Variants in TBC1D31 observed in about 807,000 individuals in gnomAD.
The protein encoded by TBC1D31 is WD repeat domain 67.
Under a neutral mutation model 132.9 loss-of-function variants are expected in TBC1D31, and 99 were observed. The observed-to-expected ratio is 0.74, with a 90% CI of 0.63 to 0.88. TBC1D31 has a LOEUF of 0.88. TBC1D31 is among the 40% of genes least tolerant of loss of function. The pLI is 0.00. For synonymous variants in TBC1D31, 385 were observed against 419.4 expected (o/e 0.92, Z 1.00); for missense variants, 1,134 against 1,256.6 (o/e 0.90, Z 1.48).
intron 11 of TBC1D31, among the ~76,000 whole-genome samples, chr8:123,124,894 G>A (rs538643246): frequency 4.9e-5 from 7 of 143,742 alleles, no homozygotes; most frequent in South Asian, 2.2e-4. Context: ...CCGAGATCGC[G>A]CCACTGCACT....
intron 17 of TBC1D31, among the ~76,000 whole-genome samples, chr8:123,135,506 T>A (rs1478270411): frequency 2.0e-5 from 3 of 151,996 alleles, no homozygotes; most frequent in Non-Finnish European, 2.9e-5. Flanking sequence ...GATGCTGAGG[T>A]GGGAGGATCA....
At chr8:123,141,439 G>GATACTGTACATTTGTGAAT (rs1330085291) in intron 18 of TBC1D31, among the ~76,000 whole-genome samples, 1,257 of 99,164 alleles carry the variant, frequency 0.013, 15 homozygotes, top group African/African-American at 0.049. Context: ...CAAATTTGAG[G>GATACTGTACATTTGTGAAT]ATTTAAGAGA....
In TBC1D31 at chr8:123,105,453, G is replaced by C. The variant is rs774253600; in HGVS notation, c.1198G>C (p.Glu400Gln). ...AAAACAAGACCTGACTGGTGATTTT[G>C]AAAGTAAAAAGGTAAGAATATTTGG... ...ILKQDLTGDF[E>Q]SKKNELPDGL... Residue 400 changes from glutamate (E) to glutamine (Q), a missense_variant, in exon 8 of 22, where the codon GAA (glutamate) becomes CAA (glutamine). Coordinates refer to ENST00000287380, the MANE Select transcript of TBC1D31 (RefSeq NM_145647.4). 3.1e-6 allele frequency: 5 copies of C among 1,607,878 alleles called. No homozygotes were observed. The highest frequency in any genetic ancestry group is 1.1e-5 in the South Asian group (1 of 89,748).
At chr8:123,130,150 T>C (rs1240873179) in intron 15 of TBC1D31, 48 bp from the exon 16 acceptor site, 1 of 1,563,140 alleles carries the variant, frequency 6.4e-7, no homozygotes, top group African/African-American at 1.4e-5. Context: ...AACTAAATCA[T>C]ATTAGGAATT....
chr8:123,143,300 A>C (rs1821882393), intron 19 of TBC1D31, among the ~76,000 whole-genome samples: 1 of 152,242 alleles, frequency 6.6e-6, no homozygotes, highest in Non-Finnish European at 1.5e-5. Flanking sequence ...AGGGAGCATT[A>C]TCATCCCAAA....
Position 123,100,909 on chromosome 8 carries a change from T to C in TBC1D31, c.934T>C (p.Ser312Pro). 2 of 1,613,940 alleles carry C rather than the reference T, an allele frequency of 1.2e-6. No homozygotes were observed. The highest frequency in any genetic ancestry group is 1.1e-5 in the South Asian group (1 of 91,078). The change falls in exon 7 of 22, where the codon TCA becomes CCA. Residue 312 changes from serine (S) to proline (P), a missense_variant. Transcript: ENST00000287380. ...GAGCCTCGATGAAGGAATTAGCTCA[T>C]CAGCAATTAGCCCACATGGACGGTA... ...IGSLDEGISSSAISPHGRYIA... is the reference protein window; with the variant it reads ...IGSLDEGISSPAISPHGRYIA...
the TBC1D31 span, among the ~76,000 whole-genome samples, chr8:123,157,298 G>A: frequency 6.6e-6 from 1 of 152,148 alleles, no homozygotes; most frequent in Non-Finnish European, 1.5e-5. Flanking sequence ...CTGCGCTAAC[G>A]AGGCACCTAG....
chr8:123,123,402 C>T (rs1371608209), intron 11 of TBC1D31: 3 of 181,608 alleles, frequency 1.7e-5, no homozygotes, highest in Non-Finnish European at 3.7e-5. Context: ...CCTCCTTTGG[C>T]CTTTTTCTTG....
intron 8 of TBC1D31, among the ~76,000 whole-genome samples, chr8:123,107,335 C>A (rs1818025869): frequency 6.6e-6 from 1 of 152,124 alleles, no homozygotes; most frequent in Non-Finnish European, 1.5e-5. Flanking sequence ...AGCTTTGGAG[C>A]CCCGTGTGTG....
At chr8:123,109,848 CTT>C (rs1174670587) in intron 10 of TBC1D31, among the ~76,000 whole-genome samples, 2 of 152,146 alleles carry the variant, frequency 1.3e-5, no homozygotes, top group Non-Finnish European at 2.9e-5. Context: ...CATCCCAGCA[CTT>C]TGGGAGGCCA....
chr8:123,141,296 A>C (rs189487178), intron 18 of TBC1D31, among the ~76,000 whole-genome samples: 2 of 152,338 alleles, frequency 1.3e-5, no homozygotes, highest in Admixed American at 1.3e-4. Flanking sequence ...GGTTCAAAGC[A>C]TCAGGTCCCT....
At chr8:123,100,764 G>C in intron 6 of TBC1D31, 43 bp from the exon 7 acceptor site, 1 of 1,488,390 alleles carries the variant, frequency 6.7e-7, no homozygotes, top group Non-Finnish European at 9.4e-7. Context: ...TTCAGACATT[G>C]ACTATCACAT....
intron 2 of TBC1D31, among the ~76,000 whole-genome samples, chr8:123,081,800 A>G (rs6984771): frequency 0.64 from 97,561 of 152,030 alleles, 31,486 homozygotes; most frequent in Non-Finnish European, 0.66. Context: ...ATCAGATCTC[A>G]TGAGATTTAT....
Position 123,082,878 on chromosome 8 carries a change from G to A in TBC1D31, c.340+61G>A. 6.0e-6 allele frequency: 7 copies of A among 1,169,100 alleles called. 1 individual carries two copies. The South Asian group carries it at 9.1e-5, about 15-fold the overall frequency. 72.4% of individuals were successfully genotyped at this position (1,169,100 alleles called of 1,614,324 possible). A position where few individuals can be genotyped will look rare whatever the true frequency, so the allele number is the denominator to read the frequency against. ...TAAAATATAAACTGAAGAACTGCAA[G>A]AACTTTATCACTCTGTACAGCTTGA... On this transcript the variant is annotated intron_variant, in intron 3 of 21. Coordinates refer to ENST00000287380, the MANE Select transcript of TBC1D31 (RefSeq NM_145647.4).
At chr8:123,088,718 G>A (rs1327263893) in intron 4 of TBC1D31, among the ~76,000 whole-genome samples, 2 of 152,048 alleles carry the variant, frequency 1.3e-5, no homozygotes, top group African/African-American at 2.4e-5. Context: ...TTGCACATGC[G>A]ACCCTTCAGT....
chr8:123,160,986 G>C, the TBC1D31 span, among the ~76,000 whole-genome samples: 11 of 152,290 alleles, frequency 7.2e-5, no homozygotes, highest in East Asian at 2.1e-3. Context: ...CGCCCTGCTG[G>C]AGTCCGGAAC....
At position 123,126,619 on chromosome 8, in the gene TBC1D31, A is replaced by C; in HGVS notation, c.1816A>C (p.Thr606Pro). Residue 606 changes from threonine to proline, a missense_variant, in exon 13 of 22, where the codon ACT (threonine) becomes CCT (proline). Thr to Pro is a conservative substitution (Grantham distance 38). Coordinates refer to ENST00000287380, the MANE Select transcript of TBC1D31 (RefSeq NM_145647.4). ...FSNHPSFLLMTVVAYNICSRT... is the reference protein window; with the variant it reads ...FSNHPSFLLMPVVAYNICSRT... ...CAACCATCCTTCCTTCCTTCTGATG[A>C]CTGTTGTAGCCTACAACATATGTTC... The C allele has an allele frequency of 3.1e-6, 5 of 1,613,970 alleles. No homozygotes were observed. The highest frequency in any genetic ancestry group is 4.2e-6 in the Non-Finnish European group (5 of 1,179,870).
chr8:123,074,548 T>G (rs1307632250), intron 1 of TBC1D31, among the ~76,000 whole-genome samples: 4 of 152,242 alleles, frequency 2.6e-5, no homozygotes, highest in African/African-American at 4.8e-5. Context: ...CTAAACATTC[T>G]AAAAGTTATA....
At chr8:123,074,589 A>G (rs1393233591) in intron 1 of TBC1D31, among the ~76,000 whole-genome samples, 1 of 152,228 alleles carries the variant, frequency 6.6e-6, no homozygotes, top group Non-Finnish European at 1.5e-5. Flanking sequence ...TTGATGATAC[A>G]AAATATCTAG....
Sources: allele counts gnomAD v4.1 joint callset (sites outside exome capture counted in the v4.1 genomes callset), GRCh38; gene constraint gnomAD v4.1.1; transcripts MANE v1.5; gene names NCBI Gene and HGNC (gene_info 2026-07-23, HGNC 2026-07-21).